Variants in CDH18 observed in about 807,000 individuals in gnomAD.
CDH18 encodes the protein cadherin-18.
In CDH18, 31 loss-of-function variants were observed where a neutral mutation model predicts 67.9. That is an observed-to-expected ratio of 0.46 (90% CI 0.34 to 0.62). The LOEUF (loss-of-function observed/expected upper bound fraction) is 0.62. Among genes scored for constraint, CDH18 ranks in the 20% least tolerant of loss-of-function variants. The probability of loss-of-function intolerance (pLI) is 0.01; values close to 1 mark genes in which losing one functional copy is unlikely to be tolerated. For synonymous variants in CDH18, 362 were observed against 347.2 expected (o/e 1.04, Z -0.48); for missense variants, 890 against 975.5 (o/e 0.91, Z 1.17).
chr5:19,870,491 C>G (rs143409905), intron 2 of CDH18, among the ~76,000 whole-genome samples: 1 of 151,974 alleles, frequency 6.6e-6, no homozygotes, highest in Non-Finnish European at 1.5e-5. Context: ...ATTTTGATAT[C>G]GGTATGATAT....
At chr5:20,476,935 A>T (rs952029850) in intron 1 of CDH18, among the ~76,000 whole-genome samples, 12 of 152,072 alleles carry the variant, frequency 7.9e-5, no homozygotes, top group Non-Finnish European at 2.9e-5. Flanking sequence ...TGTAACAGAG[A>T]TTTTTAAAAT....
rs1459783543 is a variant in CDH18, at chr5:19,996,063, TTTA to T, written c.-517-4052_-517-4050del. 2.6e-5 allele frequency among the ~76,000 whole-genome samples: 4 copies of T among 152,244 alleles called. No individual in the cohort carries two copies. The East Asian group carries it at 7.7e-4, about 29-fold the overall frequency. On this transcript the variant is annotated intron_variant, in intron 2 of 14. Coordinates refer to the CDH18 transcript ENST00000507958. ...ACTTTTGTTCACAAAAAAGGGTTAT[TTTA>T]TTAATATTCAATGAATCAGAACTTA... is the stretch of plus-strand genomic sequence containing the variant.
At chr5:20,241,908 A>T (rs1742959674) in intron 2 of CDH18, among the ~76,000 whole-genome samples, 1 of 148,300 alleles carries the variant, frequency 6.7e-6, no homozygotes, top group Non-Finnish European at 1.5e-5. Context: ...ATATATATAT[A>T]TTGCTTAGTC....
chr5:20,213,182 T>C (rs1561881984), intron 2 of CDH18, among the ~76,000 whole-genome samples: 1 of 152,108 alleles, frequency 6.6e-6, no homozygotes. Flanking sequence ...CTTTAAATAT[T>C]GTTGTATCTC....
At chr5:19,481,714 C>T (rs1739447658) in intron 12 of CDH18, among the ~76,000 whole-genome samples, 1 of 152,168 alleles carries the variant, frequency 6.6e-6, no homozygotes, top group East Asian at 1.9e-4. Context: ...CTTTAATATC[C>T]ACTCCATCTA....
intron 3 of CDH18, among the ~76,000 whole-genome samples, chr5:19,803,280 T>C (rs1325105720): frequency 1.3e-5 from 2 of 152,228 alleles, no homozygotes; most frequent in African/African-American, 4.8e-5. Flanking sequence ...CTCACACGCA[T>C]ATGAGTTTAT....
chr5:19,621,732 TA>T (rs1265446445), intron 5 of CDH18, among the ~76,000 whole-genome samples: 1 of 152,162 alleles, frequency 6.6e-6, no homozygotes, highest in Non-Finnish European at 1.5e-5. Flanking sequence ...GCAAGATGAA[TA>T]AGTTCTAAAG....
chr5:19,984,812 A>T lies in CDH18; in HGVS notation c.-376+3274T>A, dbSNP rs1280625711. Among the ~76,000 whole-genome samples the T allele has an allele frequency of 2.0e-5, 3 of 152,190 alleles. No individual in the cohort carries two copies. The East Asian group carries it at 5.8e-4, about 29-fold the overall frequency. ...GCCATGTCTTCAAATCATTAAGCTC[A>T]GTTCTTTTCCATTGTGCTACACATC... On this transcript the variant is annotated intron_variant, in intron 1 of 12. Coordinates refer to ENST00000382275, the MANE Select transcript of CDH18 (RefSeq NM_004934.5).
intron 1 of CDH18, among the ~76,000 whole-genome samples, chr5:20,443,661 G>A (rs1439420705): frequency 1.3e-5 from 2 of 151,750 alleles, no homozygotes; most frequent in Non-Finnish European, 2.9e-5. Flanking sequence ...GTATAATTAT[G>A]CCCCTTCTTA....
chr5:19,851,491 T>C lies in CDH18; in HGVS notation c.-256-12249A>G, dbSNP rs58639792. Among the ~76,000 whole-genome samples, 615 of 147,338 alleles carry C rather than the reference T, an allele frequency of 4.2e-3. 2 individuals carry two copies. The highest frequency in any genetic ancestry group is 0.014 in the African/African-American group (573 of 40,632). The stretch of plus-strand genomic sequence containing the variant: ...CTTCTACCTTCCAAATGAATATGCA[T>C]ATATAGTCCTGGAGGTAAATAAATA... On this transcript the variant is annotated intron_variant, in intron 2 of 12. Coordinates refer to ENST00000382275, the MANE Select transcript of CDH18 (RefSeq NM_004934.5).
At chr5:19,638,990 T>TGTTTTTG in intron 5 of CDH18, among the ~76,000 whole-genome samples, 2 of 96,366 alleles carry the variant, frequency 2.1e-5, no homozygotes, top group African/African-American at 7.3e-5. Context: ...TTTTTTTTTT[T>TGTTTTTG]TTTTTTTTTT....
intron 1 of CDH18, among the ~76,000 whole-genome samples, chr5:20,488,275 C>A (rs936546999): frequency 6.6e-6 from 1 of 152,058 alleles, no homozygotes; most frequent in Non-Finnish European, 1.5e-5. Flanking sequence ...TAGGTCCATA[C>A]ATACACATAT....
chr5:19,554,427 G>A (rs1480422158), intron 8 of CDH18, among the ~76,000 whole-genome samples: 1 of 152,080 alleles, frequency 6.6e-6, no homozygotes, highest in Non-Finnish European at 1.5e-5. Context: ...GCACATGCCT[G>A]TAGTCCCAGA....
At chr5:20,036,231 C>A (rs1739850280) in intron 2 of CDH18, among the ~76,000 whole-genome samples, 4 of 152,112 alleles carry the variant, frequency 2.6e-5, no homozygotes, top group Admixed American at 2.0e-4. Context: ...ACATGTCAAA[C>A]AGACTGGAAC....
rs570021742 is a variant in CDH18, at chr5:19,522,859, C to T, written c.1391-2081G>A. 5.7e-5 allele frequency among the ~76,000 whole-genome samples: 8 copies of T among 140,010 alleles called. No homozygotes were observed. In the South Asian group the frequency reaches 1.1e-3, roughly 19 times the overall value. 91.9% of individuals were successfully genotyped at this position (140,010 alleles called of 152,430 possible). Reference sequence around the variant, plus strand: ...GCAGCGAGCTGAGCTCACGCCACTGCACTGCAGCCTGAGTGACAGAGTGAG... The same window carrying T: ...GCAGCGAGCTGAGCTCACGCCACTGTACTGCAGCCTGAGTGACAGAGTGAG... On this transcript the variant is annotated intron_variant, in intron 9 of 12. Transcript: ENST00000382275.
chr5:20,081,677 C>T (rs887150413), intron 2 of CDH18, among the ~76,000 whole-genome samples: 4 of 152,022 alleles, frequency 2.6e-5, no homozygotes, highest in Non-Finnish European at 2.9e-5. Flanking sequence ...ATTATGCTAA[C>T]GATACTAACA....
chr5:20,318,499 G>T (rs1304235298), intron 1 of CDH18, among the ~76,000 whole-genome samples: 1 of 152,118 alleles, frequency 6.6e-6, no homozygotes, highest in African/African-American at 2.4e-5. Context: ...GGGCTCTCAT[G>T]AATGGTTTAG....
At chr5:19,572,091 A>G (rs1289335050) in intron 7 of CDH18, among the ~76,000 whole-genome samples, 1 of 152,192 alleles carries the variant, frequency 6.6e-6, no homozygotes, top group African/African-American at 2.4e-5. Flanking sequence ...GAGGAATACA[A>G]ACTCCGATTC....
intron 5 of CDH18, among the ~76,000 whole-genome samples, chr5:19,711,710 C>T (rs1581006264): frequency 6.9e-6 from 1 of 144,248 alleles, no homozygotes; most frequent in East Asian, 2.0e-4. Flanking sequence ...AATGTTTATA[C>T]ACTGTTGATA....
Sources: allele counts gnomAD v4.1 joint callset (sites outside exome capture counted in the v4.1 genomes callset), GRCh38; gene constraint gnomAD v4.1.1; transcripts MANE v1.5; gene names NCBI Gene and HGNC (gene_info 2026-07-23, HGNC 2026-07-21).